ADGRA1: variants seen among roughly 807,000 people sequenced by gnomAD.
ADGRA1 encodes the protein adhesion G protein-coupled receptor A1, also known as G-protein coupled receptor 123.
In ADGRA1, 12 loss-of-function variants were observed where a neutral mutation model predicts 21.3. The observed-to-expected ratio is 0.56, with a 90% CI of 0.36 to 0.91. The LOEUF (loss-of-function observed/expected upper bound fraction) is 0.91. ADGRA1 is among the 40% of genes least tolerant of loss of function. ADGRA1 has a pLI of 0.01. For synonymous variants in ADGRA1, 385 were observed against 368.8 expected (o/e 1.04, Z -0.50); for missense variants, 790 against 805.6 (o/e 0.98, Z 0.23).
chr10:133,092,840 G>A (rs1389107721), intron 2 of ADGRA1, among the ~76,000 whole-genome samples: 4 of 48,824 alleles, frequency 8.2e-5, no homozygotes, highest in Non-Finnish European at 1.2e-4. Context: ...AGGGAGGGAG[G>A]GAAGGAAGGA....
chr10:133,117,961 G>A (rs1207363047), intron 5 of ADGRA1, among the ~76,000 whole-genome samples: 3 of 152,202 alleles, frequency 2.0e-5, no homozygotes, highest in Admixed American at 2.0e-4. Flanking sequence ...CTGGGGCTGC[G>A]GCCAGTTGAC....
In ADGRA1 at chr10:133,097,038, C is replaced by T. The variant is rs745402040; in HGVS notation, c.68C>T (p.Ala23Val). 28 of 1,611,626 alleles carry T rather than the reference C, an allele frequency of 1.7e-5. No individual in the cohort carries two copies. The African/African-American group carries it at 1.9e-4, about 11-fold the overall frequency. The change falls in exon 3 of 7, where the codon GCG becomes GTG. Residue 23 changes from alanine (A) to valine (V), a missense_variant. This residue lies in a region of ADGRA1 where 382 missense variants were observed against 415.6 expected (regional missense o/e 0.92). Transcript: ENST00000392607. ...GAGTTCCTGCACCCCGTGGTGTACG[C>T]GTGCACGGCCGTCATGCTGCTCTGC... ...PGEFLHPVVY[A>V]CTAVMLLCLL...
In ADGRA1 at chr10:133,129,762, C is replaced by A. The variant is rs1370038306; in HGVS notation, c.*251C>A. 1 of 501,404 alleles carries A rather than the reference C, an allele frequency of 2.0e-6. No individual in the cohort carries two copies. The highest frequency in any genetic ancestry group is 3.6e-6 in the Non-Finnish European group (1 of 278,206). The allele number at this position is 501,404 out of a possible 1,614,324, so 31.1% of individuals were successfully genotyped here. A position where few individuals can be genotyped will look rare whatever the true frequency, so the allele number is the denominator to read the frequency against. On this transcript the variant is annotated 3_prime_UTR_variant, in exon 7 of 7. Transcript: ENST00000392607. ...GGAAACGCTCCGGGCCACGCCCACT[C>A]CCCTTATCCCAATTCCGCGTGCTGG...
intron 5 of ADGRA1, among the ~76,000 whole-genome samples, chr10:133,124,172 C>A (rs896575651): frequency 2.6e-5 from 4 of 151,284 alleles, no homozygotes; most frequent in African/African-American, 9.7e-5. Context: ...GCACCCTCCC[C>A]GGCCAGGCCA....
rs1250329173 is a variant in ADGRA1, at chr10:133,131,031, G to C, written c.*1520G>C. The C allele has an allele frequency of 6.6e-6, 1 of 152,242 alleles. No individual in the cohort carries two copies. Among genetic ancestry groups the C allele is most frequent in the African/African-American group, 2.4e-5 (1 of 41,452 alleles). The allele number at this position is 152,242 out of a possible 1,614,324, so 9.4% of individuals were successfully genotyped here. A position where few individuals can be genotyped will look rare whatever the true frequency, so the allele number is the denominator to read the frequency against. On this transcript the variant is annotated 3_prime_UTR_variant, in exon 7 of 7. Transcript: ENST00000392607. ...AACGTCAACGTCAGCAGACTCGTCG[G>C]TGCGCTGTGCTATCCGGTTGGGAGG...
chr10:133,118,500 G>T (rs1426232024), intron 5 of ADGRA1, among the ~76,000 whole-genome samples: 2 of 152,184 alleles, frequency 1.3e-5, no homozygotes, highest in Non-Finnish European at 2.9e-5. Context: ...TGAAGGGGAG[G>T]CCTCAGGAAA....
At chr10:133,116,638 A>G (rs1356048571) in intron 5 of ADGRA1, among the ~76,000 whole-genome samples, 1 of 151,942 alleles carries the variant, frequency 6.6e-6, no homozygotes, top group Non-Finnish European at 1.5e-5. Context: ...AGAGACGCAG[A>G]CACTCAACCA....
At chr10:133,121,578 G>C (rs968318316) in intron 5 of ADGRA1, among the ~76,000 whole-genome samples, 1 of 142,448 alleles carries the variant, frequency 7.0e-6, no homozygotes, top group Non-Finnish European at 1.5e-5. Flanking sequence ...GTGCATGCCT[G>C]TGCATGTGTG....
At chr10:133,112,836 G>C (rs528838589) in intron 5 of ADGRA1, among the ~76,000 whole-genome samples, 2 of 146,070 alleles carry the variant, frequency 1.4e-5, no homozygotes, top group Admixed American at 6.8e-5. Context: ...TCTGTAAGCT[G>C]TGTTGGTTAT....
In ADGRA1 at chr10:133,103,030, TGGAGGGGAGGGGCGCC is replaced by T. The variant is rs1183949109; in HGVS notation, c.401+207_401+222del. Reference sequence around the variant, plus strand: ...CGGATCTGAGGGTAGGGTGGTGTGCTGGAGGGGAGGGGCGCCGGAGGGGAGGGGCGCCGGTCACTGG... The same window carrying T: ...CGGATCTGAGGGTAGGGTGGTGTGCTGGAGGGGAGGGGCGCCGGTCACTGG... On this transcript the variant is annotated intron_variant, in intron 5 of 6. Transcript: ENST00000392607. Among the ~76,000 whole-genome samples the T allele has an allele frequency of 6.6e-4, 45 of 68,634 alleles. 1 individual carries two copies. Among genetic ancestry groups the T allele is most frequent in the African/African-American group, 1.6e-3 (28 of 17,816 alleles). 45.0% of individuals were successfully genotyped at this position (68,634 alleles called of 152,430 possible). A position where few individuals can be genotyped will look rare whatever the true frequency, so the allele number is the denominator to read the frequency against.
intron 5 of ADGRA1, among the ~76,000 whole-genome samples, chr10:133,122,714 G>C (rs1490969251): frequency 6.6e-6 from 1 of 152,194 alleles, no homozygotes; most frequent in Non-Finnish European, 1.5e-5. Flanking sequence ...CGGGGCAGAA[G>C]CGAGAACCTT....
intron 2 of ADGRA1, chr10:133,093,143 C>A: frequency 6.3e-7 from 1 of 1,591,850 alleles, no homozygotes; most frequent in South Asian, 1.1e-5. Context: ...CTCAGCCAGT[C>A]GGAGCTGCAG....
At chr10:133,125,979 A>G (rs1852368636) in intron 5 of ADGRA1, among the ~76,000 whole-genome samples, 1 of 152,178 alleles carries the variant, frequency 6.6e-6, no homozygotes, top group South Asian at 2.1e-4. Context: ...GAAATTAAGA[A>G]GGGGGAGACA....
At chr10:133,097,633 G>A (rs1330948438) in intron 3 of ADGRA1, among the ~76,000 whole-genome samples, 3 of 152,212 alleles carry the variant, frequency 2.0e-5, no homozygotes, top group African/African-American at 4.8e-5. Flanking sequence ...GGGCACACAC[G>A]AGGCTGTGAT....
intron 4 of ADGRA1, chr10:133,102,324 T>A (rs924861475): frequency 3.9e-6 from 2 of 510,934 alleles, no homozygotes; most frequent in Non-Finnish European, 7.8e-6. Context: ...TCTCCCTTGG[T>A]GGACACCTAT....
chr10:133,108,316 T>G (rs1851928494), intron 5 of ADGRA1, among the ~76,000 whole-genome samples: 1 of 152,206 alleles, frequency 6.6e-6, no homozygotes, highest in Non-Finnish European at 1.5e-5. Context: ...CCAACAGAAG[T>G]GTCACCCTCA....
chr10:133,100,163 GC>G lies in ADGRA1; in HGVS notation c.255+1405del, dbSNP rs1591170423. ...TCATGCCAGACTGCCAGGAGGCCGT[GC>G]CCCCGGCCTGGGCCTGGGCCTGGGC... On this transcript the variant is annotated intron_variant, in intron 4 of 6. Transcript: ENST00000392607. 3.3e-5 allele frequency among the ~76,000 whole-genome samples: 5 copies of G among 152,376 alleles called. No homozygotes were observed. In the East Asian group the frequency reaches 9.7e-4, roughly 29 times the overall value.
Position 133,128,936 on chromosome 10 carries a change from G to T in ADGRA1, c.1108G>T (p.Ala370Ser), listed in dbSNP as rs779963993. The T allele has an allele frequency of 6.4e-7, 1 of 1,556,394 alleles. No homozygotes were observed. Reference sequence around the variant, plus strand: ...CTGCAAGATGACCAACCTGCAGGCCGCGCAGGGCCACGCCAGTTGCCTGTC... The same window carrying T: ...CTGCAAGATGACCAACCTGCAGGCCTCGCAGGGCCACGCCAGTTGCCTGTC... ...GPCKMTNLQAAQGHASCLSPA... is the reference protein window; with the variant it reads ...GPCKMTNLQASQGHASCLSPA... The change falls in exon 7 of 7, where the codon GCG becomes TCG. Residue 370 changes from alanine to serine, a missense_variant. By Grantham distance (99) the Ala-to-Ser change is moderately conservative. Transcript: ENST00000392607.
intron 5 of ADGRA1, among the ~76,000 whole-genome samples, chr10:133,126,125 C>G (rs1378881793): frequency 1.3e-5 from 2 of 152,254 alleles, no homozygotes; most frequent in South Asian, 2.1e-4. Flanking sequence ...CAAGGCCCAC[C>G]GTGCAGGTCT....
Sources: gnomAD v4.1 joint callset for allele counts (sites outside exome capture counted in the v4.1 genomes callset) on GRCh38, gnomAD v4.1.1 for gene constraint, gnomAD v4.1.1 regional missense constraint, MANE v1.5 for transcripts, NCBI Gene and HGNC (gene_info 2026-07-23, HGNC 2026-07-21) for gene names.